Variants in MGAT4A observed in about 807,000 individuals in gnomAD.
MGAT4A encodes N-acetylglucosaminyltransferase IVa.
In MGAT4A, 33 loss-of-function variants were observed where a neutral mutation model predicts 74.1. That is an observed-to-expected ratio of 0.45 (90% CI 0.34 to 0.60). The LOEUF (loss-of-function observed/expected upper bound fraction) is 0.60. Among genes scored for constraint, MGAT4A ranks in the 20% least tolerant of loss-of-function variants. MGAT4A has a pLI of 0.02. For synonymous variants in MGAT4A, 198 were observed against 210.4 expected, an observed-to-expected ratio of 0.94 and a Z score of 0.51; for missense variants, 479 against 628.3, an observed-to-expected ratio of 0.76 and a Z score of 2.54.
chr2:98,727,752 C>A (rs1702786149), intron 1 of MGAT4A, among the ~76,000 whole-genome samples: 1 of 152,218 alleles, frequency 6.6e-6, no homozygotes, highest in Non-Finnish European at 1.5e-5. Context: ...TAACACTGAA[C>A]ACTACTAGAA....
chr2:98,683,243 C>T (rs1357610817), intron 2 of MGAT4A, among the ~76,000 whole-genome samples: 1 of 152,108 alleles, frequency 6.6e-6, no homozygotes, highest in African/African-American at 2.4e-5. Flanking sequence ...GAAATAAATG[C>T]TGTCAAGAAC....
rs116103952 is a variant in MGAT4A, at chr2:98,729,094, G to T, written c.-236+1954C>A. Among the ~76,000 whole-genome samples, 628 of 151,710 alleles carry T rather than the reference G, an allele frequency of 4.1e-3. 5 individuals are homozygous for T. The highest frequency in any genetic ancestry group is 0.014 in the African/African-American group (596 of 41,314). On this transcript the variant is annotated intron_variant, in intron 1 of 15. Coordinates refer to ENST00000393487, the MANE Select transcript of MGAT4A (RefSeq NM_012214.3). Reference sequence around the variant, plus strand: ...CAAATAAAGCTTGTAAAAACATTCCGTAGAAATGCATAGAGACAAGTAAAT... The same window carrying T: ...CAAATAAAGCTTGTAAAAACATTCCTTAGAAATGCATAGAGACAAGTAAAT...
At chr2:98,655,085 A>G (rs984699529) in intron 8 of MGAT4A, among the ~76,000 whole-genome samples, 1 of 152,224 alleles carries the variant, frequency 6.6e-6, no homozygotes, top group African/African-American at 2.4e-5. Flanking sequence ...TTGTAAGACC[A>G]CTAAAGAAAA....
chr2:98,663,560 T>A, intron 4 of MGAT4A: 2 of 999,676 alleles, frequency 2.0e-6, no homozygotes, highest in Non-Finnish European at 2.7e-6. Context: ...GAGCACAACA[T>A]CAGTTCTGTG....
At chr2:98,686,144 G>A (rs1702127479) in intron 2 of MGAT4A, among the ~76,000 whole-genome samples, 1 of 152,098 alleles carries the variant, frequency 6.6e-6, no homozygotes, top group Non-Finnish European at 1.5e-5. Flanking sequence ...TTCTGGTTTT[G>A]GAGTACTCCA....
chr2:98,644,005 A>C lies in MGAT4A; in HGVS notation c.938T>G (p.Phe313Cys), dbSNP rs767528945. The change falls in exon 10 of 16, where the codon TTC becomes TGC. Residue 313 changes from phenylalanine (F) to cysteine (C), a missense_variant. Physicochemically the swap from Phe to Cys is radical, Grantham distance 205. Coordinates refer to ENST00000393487, the MANE Select transcript of MGAT4A (RefSeq NM_012214.3). ...AATGGGTTTCTCCTTGTAAAACATG[A>C]ATATGAATTCTACAATCAGAGTAAG... The part of the protein sequence containing the change: ...PDLTLIVEFI[F>C]MFYKEKPIDW... The C allele has an allele frequency of 2.5e-6, 4 of 1,606,090 alleles. No individual in the cohort carries two copies. The South Asian group carries it at 3.3e-5, about 13-fold the overall frequency.
intron 2 of MGAT4A, among the ~76,000 whole-genome samples, chr2:98,702,210 A>T (rs558440098): frequency 1.1e-3 from 168 of 152,344 alleles, no homozygotes; most frequent in Non-Finnish European, 1.9e-3. Context: ...TCAATTCAGA[A>T]GTTTAACAGG....
At position 98,640,144 on chromosome 2, in the gene MGAT4A, A is replaced by G; in HGVS notation, c.1105T>C (p.Ser369Pro). ...ACCGTGAGTTTTTGGATTTTTCCTG[A>G]TAGTGATGAGTGCAGACCAACATGT... ...FQHVGLHSSL[S>P]GKIQKLTDKD... Residue 369 changes from serine to proline, a missense_variant, in exon 11 of 16, where the codon TCA becomes CCA. Transcript: ENST00000393487. 6.2e-7 allele frequency: 1 copy of G among 1,609,592 alleles called. No individual in the cohort carries two copies. Among genetic ancestry groups the G allele is most frequent in the Non-Finnish European group, 8.5e-7 (1 of 1,178,730 alleles).
chr2:98,684,463 G>A (rs1338778581), intron 2 of MGAT4A, among the ~76,000 whole-genome samples: 2 of 152,190 alleles, frequency 1.3e-5, no homozygotes, highest in South Asian at 4.1e-4. Flanking sequence ...ATTATGTTTT[G>A]TACAAATTGT....
intron 4 of MGAT4A, among the ~76,000 whole-genome samples, chr2:98,666,465 G>C (rs1449762263): frequency 2.0e-5 from 3 of 152,204 alleles, no homozygotes; most frequent in African/African-American, 7.2e-5. Flanking sequence ...GGCTGAGGCG[G>C]AAGGATCGCT....
chr2:98,652,913 G>C (rs1207423534), intron 8 of MGAT4A, among the ~76,000 whole-genome samples: 1 of 152,080 alleles, frequency 6.6e-6, no homozygotes, highest in Non-Finnish European at 1.5e-5. Context: ...GTGTGAGCCA[G>C]TGCCGCCCAC....
chr2:98,676,904 C>T (rs1006823089), intron 3 of MGAT4A, among the ~76,000 whole-genome samples: 10 of 152,124 alleles, frequency 6.6e-5, no homozygotes, highest in Non-Finnish European at 1.3e-4. Flanking sequence ...TTTTTATCTA[C>T]ACTAGTCCAT....
intron 4 of MGAT4A, among the ~76,000 whole-genome samples, chr2:98,664,200 CAAAAAAAAAAAAAA>C (rs57981145): frequency 2.3e-4 from 12 of 51,488 alleles, no homozygotes; most frequent in African/African-American, 3.4e-4. Context: ...GATTCCATCT[CAAAAAAAAAAAAAA>C]AAAAAAAAAA....
chr2:98,623,563 A>G lies in MGAT4A; in HGVS notation c.*2003T>C, dbSNP rs1701094198. ...GAAATTTGCTCATGGGCACTGGGCC[A>G]AGGAAATTTGAGAAGAAAAAAATTC... On this transcript the variant is annotated 3_prime_UTR_variant, in exon 16 of 16. Coordinates refer to ENST00000393487, the MANE Select transcript of MGAT4A (RefSeq NM_012214.3). 1.0e-6 allele frequency: 1 copy of G among 985,352 alleles called. No individual in the cohort carries two copies. Among genetic ancestry groups the G allele is most frequent in the African/African-American group, 1.7e-5 (1 of 57,254 alleles). The allele number at this position is 985,352 out of a possible 1,614,324, so 61.0% of individuals were successfully genotyped here. A position where few individuals can be genotyped will look rare whatever the true frequency, so the allele number is the denominator to read the frequency against.
rs772959477 is a variant in MGAT4A at position 98,663,028 on chromosome 2, C to A, written c.537+18G>T. Reference sequence around the variant, plus strand: ...TAGGCTATATTTGGTAAAAACATAACAACAATTAAATAATTACCTCTCCTA... The same window carrying A: ...TAGGCTATATTTGGTAAAAACATAAAAACAATTAAATAATTACCTCTCCTA... On this transcript the variant is annotated intron_variant, in intron 5 of 15. Coordinates refer to ENST00000393487, the MANE Select transcript of MGAT4A (RefSeq NM_012214.3). 9 of 1,457,586 alleles carry A rather than the reference C, an allele frequency of 6.2e-6. No individual in the cohort carries two copies. In the African/African-American group the frequency reaches 8.5e-5, roughly 14 times the overall value. 90.3% of individuals were successfully genotyped at this position (1,457,586 alleles called of 1,614,324 possible).
chr2:98,677,164 C>G (rs1442062285), intron 3 of MGAT4A, among the ~76,000 whole-genome samples: 1 of 152,136 alleles, frequency 6.6e-6, no homozygotes, highest in Non-Finnish European at 1.5e-5. Context: ...ATCACTTGCC[C>G]TCATCTTACT....
At chr2:98,673,393 A>G (rs1245109641) in intron 4 of MGAT4A, among the ~76,000 whole-genome samples, 1 of 152,142 alleles carries the variant, frequency 6.6e-6, no homozygotes, top group Non-Finnish European at 1.5e-5. Context: ...TTCTATGGGC[A>G]TTTTCCAAAG....
chr2:98,631,669 G>T (rs1192450446), intron 14 of MGAT4A, among the ~76,000 whole-genome samples: 1 of 152,208 alleles, frequency 6.6e-6, no homozygotes, highest in African/African-American at 2.4e-5. Flanking sequence ...GACTCCAGGG[G>T]AAAACCATCT....
chr2:98,720,416 C>T (rs751555783), intron 2 of MGAT4A, among the ~76,000 whole-genome samples: 2 of 152,196 alleles, frequency 1.3e-5, no homozygotes, highest in Non-Finnish European at 2.9e-5. Context: ...CAGACATCAG[C>T]CCAGCTGGTC....
Sources: gnomAD v4.1 joint callset for allele counts (sites outside exome capture counted in the v4.1 genomes callset) on GRCh38, gnomAD v4.1.1 for gene constraint, MANE v1.5 for transcripts, NCBI Gene and HGNC (gene_info 2026-07-23, HGNC 2026-07-21) for gene names.